The following ZNF33A variants were observed in gnomAD, a reference collection of about 807,000 sequenced individuals.
The protein encoded by ZNF33A is brain my041 protein.
A neutral mutation model predicts 15.9 loss-of-function variants in ZNF33A; 9 were observed. That is an observed-to-expected ratio of 0.57 (90% CI 0.34 to 0.99). The LOEUF is 0.99. Among genes scored for constraint, ZNF33A ranks in the 50% least tolerant of loss-of-function variants. ZNF33A has a pLI of 0.02. For synonymous variants in ZNF33A, 294 were observed against 324.2 expected (o/e 0.91, Z 1.00); for missense variants, 843 against 941.6 (o/e 0.90, Z 1.37).
chr10:38,063,613 T>C (rs1006050848), downstream of ZNF33A, among the ~76,000 whole-genome samples: 2 of 152,218 alleles, frequency 1.3e-5, no homozygotes, highest in African/African-American at 2.4e-5. Flanking sequence ...ATTATGCATC[T>C]AAGCTTGTGT....
rs1260953649 is a variant in ZNF33A, at chr10:38,058,991, T to C, written c.*2431T>C. Reference sequence around the variant, plus strand: ...ACAAGAAAGGAAAACTACAGATCAATATTTCCATTGAACACAGATGCAGAA... The same window carrying C: ...ACAAGAAAGGAAAACTACAGATCAACATTTCCATTGAACACAGATGCAGAA... On this transcript the variant is annotated 3_prime_UTR_variant, in exon 5 of 5. Coordinates refer to ENST00000432900, the MANE Select transcript of ZNF33A (RefSeq NM_006954.2). The C allele has an allele frequency of 6.6e-6, 1 of 152,194 alleles. No homozygotes were observed. Among genetic ancestry groups the C allele is most frequent in the Non-Finnish European group, 1.5e-5 (1 of 68,038 alleles). The allele number at this position is 152,194 out of a possible 1,614,324, so 9.4% of individuals were successfully genotyped here.
At chr10:38,031,945 C>G (rs2065231085) in intron 4 of ZNF33A, among the ~76,000 whole-genome samples, 2 of 152,058 alleles carry the variant, frequency 1.3e-5, no homozygotes, top group South Asian at 4.2e-4. Flanking sequence ...CCTGGCAACA[C>G]AGCAAGATTC....
chr10:38,010,865 T>C, intron 1 of ZNF33A, 82 bp downstream of exon 1: 1 of 1,532,780 alleles, frequency 6.5e-7, no homozygotes, highest in African/African-American at 1.4e-5. Context: ...CGGTACCAAG[T>C]GGTGGGGAGG....
At chr10:38,050,583 C>T (rs1397010896) in intron 4 of ZNF33A, among the ~76,000 whole-genome samples, 1 of 152,188 alleles carries the variant, frequency 6.6e-6, no homozygotes, top group African/African-American at 2.4e-5. Flanking sequence ...CCCTACTAAG[C>T]TGTTGGTCTG....
Position 38,057,403 on chromosome 10 carries a change from C to A in ZNF33A, c.*843C>A. 1 of 985,310 alleles carries A rather than the reference C, an allele frequency of 1.0e-6. No homozygotes were observed. Among genetic ancestry groups the A allele is most frequent in the Non-Finnish European group, 1.2e-6 (1 of 829,908 alleles). 61.0% of individuals were successfully genotyped at this position (985,310 alleles called of 1,614,324 possible). A position where few individuals can be genotyped will look rare whatever the true frequency, so the allele number is the denominator to read the frequency against. On this transcript the variant is annotated 3_prime_UTR_variant, in exon 5 of 5. Coordinates refer to ENST00000432900, the MANE Select transcript of ZNF33A (RefSeq NM_006954.2). Reference sequence around the variant, plus strand: ...CATTAAGCACATCTGCGAATTATCCCTGAAGTTCAAAAGACTTATATATGT... The same window carrying A: ...CATTAAGCACATCTGCGAATTATCCATGAAGTTCAAAAGACTTATATATGT...
chr10:38,054,599 A>G lies in ZNF33A; in HGVS notation c.475A>G (p.Lys159Glu), dbSNP rs375972993. The G allele has an allele frequency of 6.2e-6, 10 of 1,611,808 alleles. No homozygotes were observed. The highest frequency in any genetic ancestry group is 8.5e-6 in the Non-Finnish European group (10 of 1,179,360). Residue 159 changes from lysine to glutamate, a missense_variant, in exon 5 of 5, where the codon AAG becomes GAG. Physicochemically the swap from Lys to Glu is moderately conservative, Grantham distance 56. Transcript: ENST00000432900. ...CACTGTTTCAGAATTGGTTATCAGT[A>G]AGATAAACTATTTAGGAAAAAAGTC... ...FNTVSELVIS[K>E]INYLGKKSDE... is the part of the protein sequence containing the mutation.
At chr10:38,062,668 A>G (rs1271948717), downstream of ZNF33A, among the ~76,000 whole-genome samples, 1 of 152,132 alleles carries the variant, frequency 6.6e-6, no homozygotes, top group Non-Finnish European at 1.5e-5. Context: ...TGGTGGTGCC[A>G]CTGCACTCCA....
intron 2 of ZNF33A, 99 bp from the exon 3 acceptor site, chr10:38,016,772 C>T (rs2135546918): frequency 1.5e-6 from 2 of 1,372,446 alleles, no homozygotes; most frequent in South Asian, 1.4e-5. Context: ...TTTCTTTTTC[C>T]CTAAAAGTAT....
downstream of ZNF33A, chr10:38,060,103 G>T (rs1013268794): frequency 1.4e-5 from 14 of 984,622 alleles, no homozygotes; most frequent in Admixed American, 4.3e-4. Context: ...TTTGTTAGTT[G>T]TATGTTTCTG....
intron 4 of ZNF33A, among the ~76,000 whole-genome samples, chr10:38,044,330 C>T (rs981252401): frequency 2.6e-4 from 39 of 151,332 alleles, no homozygotes; most frequent in Non-Finnish European, 5.9e-5. Flanking sequence ...GCCTCAGCCT[C>T]CAGAGTAGCT....
intron 4 of ZNF33A, among the ~76,000 whole-genome samples, chr10:38,026,598 G>A (rs1383451125): frequency 6.6e-6 from 1 of 152,192 alleles, no homozygotes; most frequent in Admixed American, 6.5e-5. Flanking sequence ...CCAAAGTGCT[G>A]GGATTACAGG....
Position 38,056,031 on chromosome 10 carries a change from C to T in ZNF33A, c.1907C>T (p.Pro636Leu). The T allele has an allele frequency of 6.2e-7, 1 of 1,613,956 alleles. No homozygotes were observed. Among genetic ancestry groups the T allele is most frequent in the Non-Finnish European group, 8.5e-7 (1 of 1,179,978 alleles). Residue 636 changes from proline (P) to leucine (L), a missense_variant, in exon 5 of 5, where the codon CCC (proline) becomes CTC (leucine). Pro to Leu is a moderately conservative substitution (Grantham distance 98, BLOSUM62 -3). Transcript: ENST00000432900. Reference sequence around the variant, plus strand: ...CAGAGAATTCACATAGGGGAGAAACCCTATAAATGTAATGAGTGTGGAAAA... The same window carrying T: ...CAGAGAATTCACATAGGGGAGAAACTCTATAAATGTAATGAGTGTGGAAAA... Reference protein sequence around the residue: ...QHQRIHIGEKPYKCNECGKAF... With the variant: ...QHQRIHIGEKLYKCNECGKAF...
At chr10:38,051,052 G>T (rs2066177953) in intron 4 of ZNF33A, among the ~76,000 whole-genome samples, 4 of 151,670 alleles carry the variant, frequency 2.6e-5, no homozygotes, top group Admixed American at 2.6e-4. Flanking sequence ...TAACAAAGAA[G>T]TCAATTTTAA....
chr10:38,059,186 CAGAA>C lies in ZNF33A; in HGVS notation c.*2627_*2630del, dbSNP rs1327431233. The C allele has an allele frequency of 6.6e-6, 1 of 152,122 alleles. No homozygotes were observed. The highest frequency in any genetic ancestry group is 1.5e-5 in the Non-Finnish European group (1 of 68,020). The allele number at this position is 152,122 out of a possible 1,614,324, so 9.4% of individuals were successfully genotyped here. ...CCATTCATGTTAAAACCTCTCAACA[CAGAA>C]GGAATACAGGAGAACTTACTCAAGT... On this transcript the variant is annotated 3_prime_UTR_variant, in exon 5 of 5. Coordinates refer to ENST00000432900, the MANE Select transcript of ZNF33A (RefSeq NM_006954.2).
intron 4 of ZNF33A, among the ~76,000 whole-genome samples, chr10:38,036,340 G>A (rs2065453685): frequency 6.6e-6 from 1 of 152,104 alleles, no homozygotes; most frequent in Admixed American, 6.6e-5. Flanking sequence ...TGAAGGCTGA[G>A]GCAGGAGAAT....
At chr10:38,023,961 G>A (rs942862092) in intron 4 of ZNF33A, among the ~76,000 whole-genome samples, 2 of 151,896 alleles carry the variant, frequency 1.3e-5, no homozygotes, top group African/African-American at 2.4e-5. Flanking sequence ...GAGTTCAAGA[G>A]CAGCCTGACC....
rs1309266182 is a variant in ZNF33A at position 38,056,428 on chromosome 10, G to C, written c.2304G>C (p.Gln768His). ...AAAAGTCAAATCTCATTGTACATCA[G>C]AGAAGACATATAGGAGAAAACCTTA... is the stretch of plus-strand genomic sequence containing the variant. ...FSQKSNLIVH[Q>H]RRHIGENLMN... Residue 768 changes from glutamine to histidine, a missense_variant, in exon 5 of 5, where the codon CAG (glutamine) becomes CAC (histidine). By Grantham distance (24) the Gln-to-His change is conservative. Transcript: ENST00000432900. The C allele has an allele frequency of 6.2e-7, 1 of 1,614,108 alleles. No homozygotes were observed. The highest frequency in any genetic ancestry group is 1.1e-5 in the South Asian group (1 of 91,070).
At chr10:38,060,580 G>A (rs917820388), downstream of ZNF33A, among the ~76,000 whole-genome samples, 1 of 152,140 alleles carries the variant, frequency 6.6e-6, no homozygotes, top group African/African-American at 2.4e-5. Flanking sequence ...AACTCACCTA[G>A]ATCTTATCTG....
At chr10:38,041,003 G>A (rs116483473) in intron 4 of ZNF33A, among the ~76,000 whole-genome samples, 2,279 of 152,238 alleles carry the variant, frequency 0.015, 64 homozygotes, top group African/African-American at 0.052. Flanking sequence ...TAACTTGATC[G>A]TAAGTCAAGG....
Sources: gnomAD v4.1 joint callset for allele counts (sites outside exome capture counted in the v4.1 genomes callset) on GRCh38, gnomAD v4.1.1 for gene constraint, MANE v1.5 for transcripts, NCBI Gene and HGNC (gene_info 2026-07-23, HGNC 2026-07-21) for gene names.